TXNDC16: variants seen among roughly 807,000 people sequenced by gnomAD.
TXNDC16 encodes the protein thioredoxin domain-containing protein 16.
Under a neutral mutation model 85.6 loss-of-function variants are expected in TXNDC16, and 74 were observed. The ratio of observed to expected loss-of-function variants is 0.86; its 90% confidence interval spans 0.72 to 1.05. The LOEUF (loss-of-function observed/expected upper bound fraction) is 1.05. Among genes scored for constraint, TXNDC16 ranks in the 50% least tolerant of loss-of-function variants. The probability of loss-of-function intolerance (pLI) is 0.00; values close to 1 mark genes in which losing one functional copy is unlikely to be tolerated. For missense variants in TXNDC16, 959 were observed against 947.0 expected, an observed-to-expected ratio of 1.01 and a Z score of -0.17; for synonymous variants, 335 against 326.5, an observed-to-expected ratio of 1.03 and a Z score of -0.28.
intron 18 of TXNDC16, among the ~76,000 whole-genome samples, chr14:52,441,772 G>C (rs1049509511): frequency 1.3e-5 from 2 of 152,126 alleles, no homozygotes; most frequent in African/African-American, 2.4e-5. Context: ...CAAAGAGGAA[G>C]CTTTCTCTTG....
chr14:52,468,899 G>A (rs939303419), intron 16 of TXNDC16, among the ~76,000 whole-genome samples: 2 of 151,164 alleles, frequency 1.3e-5, no homozygotes, highest in East Asian at 1.9e-4. Flanking sequence ...AAAAAACCAT[G>A]AGTAATGTAT....
At chr14:52,443,873 T>A (rs1207006625) in intron 18 of TXNDC16, among the ~76,000 whole-genome samples, 1 of 151,984 alleles carries the variant, frequency 6.6e-6, no homozygotes, top group African/African-American at 2.4e-5. Context: ...GATTTGTGAG[T>A]TTAGAAGGAA....
At chr14:52,518,121 C>A (rs2037127558) in intron 7 of TXNDC16, among the ~76,000 whole-genome samples, 2 of 152,222 alleles carry the variant, frequency 1.3e-5, no homozygotes, top group South Asian at 4.1e-4. Context: ...CACATTCATT[C>A]TGTCTCCTTT....
intron 9 of TXNDC16, among the ~76,000 whole-genome samples, chr14:52,495,806 T>C (rs917637040): frequency 4.6e-5 from 7 of 152,142 alleles, no homozygotes; most frequent in Admixed American, 3.9e-4. Flanking sequence ...CAGGTGCAGG[T>C]AAGTCCTTTG....
chr14:52,445,676 T>C (rs1378007317), intron 18 of TXNDC16, among the ~76,000 whole-genome samples: 2 of 152,244 alleles, frequency 1.3e-5, no homozygotes, highest in Admixed American at 6.5e-5. Context: ...TACCATGTTT[T>C]TACTGTACCT....
Position 52,490,403 on chromosome 14 carries a change from T to C in TXNDC16, c.972A>G (p.Lys324=), listed in dbSNP as rs767063465. 3 of 1,598,832 alleles carry C rather than the reference T, an allele frequency of 1.9e-6. No homozygotes were observed. The highest frequency in any genetic ancestry group is 1.7e-6 in the Non-Finnish European group (2 of 1,174,690). ...NIPQDANVVF[K]RAEEGVPVEF... is the part of the protein sequence containing the mutation. ...TAAAACAACTAACCTCTTCTGCTCT[T>C]TTGAAGACCACATTAGCATCTTGAG... Residue 324 remains lysine (K), a synonymous_variant, in exon 11 of 21, where the codon AAA becomes AAG. Coordinates refer to ENST00000281741, the MANE Select transcript of TXNDC16 (RefSeq NM_020784.3).
chr14:52,462,641 G>A (rs1247628812), intron 16 of TXNDC16, among the ~76,000 whole-genome samples: 1 of 152,154 alleles, frequency 6.6e-6, no homozygotes, highest in African/African-American at 2.4e-5. Context: ...CTGGCTACCT[G>A]TTATAAAGGG....
At chr14:52,532,055 A>C (rs2037593356) in intron 6 of TXNDC16, among the ~76,000 whole-genome samples, 1 of 152,188 alleles carries the variant, frequency 6.6e-6, no homozygotes, top group Non-Finnish European at 1.5e-5. Context: ...GAAAGGTAGT[A>C]CAACTTAAAA....
intron 6 of TXNDC16, among the ~76,000 whole-genome samples, chr14:52,530,292 A>AT (rs2037487029): frequency 5.6e-5 from 3 of 53,760 alleles, no homozygotes; most frequent in East Asian, 8.6e-4. Context: ...TATAATTATT[A>AT]TATATAATAT....
chr14:52,461,770 T>C (rs1432222000), intron 16 of TXNDC16, among the ~76,000 whole-genome samples: 1 of 152,212 alleles, frequency 6.6e-6, no homozygotes, highest in Non-Finnish European at 1.5e-5. Context: ...ACGACATGCC[T>C]CCAGGCCTTA....
At chr14:52,508,690 G>A (rs567899841) in intron 9 of TXNDC16, among the ~76,000 whole-genome samples, 1 of 152,134 alleles carries the variant, frequency 6.6e-6, no homozygotes, top group Non-Finnish European at 1.5e-5. Context: ...TGATAGACTG[G>A]ATTAACAAAA....
chr14:52,531,497 A>G (rs1004807070), intron 6 of TXNDC16, among the ~76,000 whole-genome samples: 2 of 152,206 alleles, frequency 1.3e-5, no homozygotes, highest in Non-Finnish European at 2.9e-5. Context: ...AAAATGAACT[A>G]TCAAGCCATG....
intron 12 of TXNDC16, among the ~76,000 whole-genome samples, chr14:52,483,900 A>G (rs1476730061): frequency 6.6e-6 from 1 of 152,188 alleles, no homozygotes; most frequent in Non-Finnish European, 1.5e-5. Flanking sequence ...CTTTATGAAC[A>G]TGAAAACATG....
At chr14:52,480,194 A>C (rs534384609) in intron 14 of TXNDC16, among the ~76,000 whole-genome samples, 14 of 152,268 alleles carry the variant, frequency 9.2e-5, no homozygotes, top group Admixed American at 9.2e-4. Context: ...CTAAGACCTG[A>C]AACTATAAAA....
rs953699832 is a variant in TXNDC16, at chr14:52,432,072, C to T, written c.*232G>A. On this transcript the variant is annotated 3_prime_UTR_variant, in exon 21 of 21. Transcript: ENST00000281741. Reference sequence around the variant, plus strand: ...TCTCATTAATAATTTCTATATTTCGCTATTTTGGGTATACTACTGGGTGAA... The same window carrying T: ...TCTCATTAATAATTTCTATATTTCGTTATTTTGGGTATACTACTGGGTGAA... The T allele has an allele frequency of 2.9e-6, 1 of 342,766 alleles. No individual in the cohort carries two copies. The highest frequency in any genetic ancestry group is 5.2e-6 in the Non-Finnish European group (1 of 193,782). 21.2% of individuals were successfully genotyped at this position (342,766 alleles called of 1,614,324 possible). A position where few individuals can be genotyped will look rare whatever the true frequency, so the allele number is the denominator to read the frequency against.
Position 52,439,413 on chromosome 14 carries a change from G to T in TXNDC16, c.2004-19C>A. ...ATTCTTTCTGCAAAAGGGAACAATTGAACATATTAATATTTCTTTCTACAA... is the reference window on the plus strand; with the variant it reads ...ATTCTTTCTGCAAAAGGGAACAATTTAACATATTAATATTTCTTTCTACAA... On this transcript the variant is annotated intron_variant, in intron 19 of 20. Coordinates refer to ENST00000281741, the MANE Select transcript of TXNDC16 (RefSeq NM_020784.3). 6.3e-7 allele frequency: 1 copy of T among 1,591,372 alleles called. No homozygotes were observed. The highest frequency in any genetic ancestry group is 8.6e-7 in the Non-Finnish European group (1 of 1,166,474).
At chr14:52,447,554 G>C (rs894520848) in intron 18 of TXNDC16, among the ~76,000 whole-genome samples, 2 of 152,114 alleles carry the variant, frequency 1.3e-5, no homozygotes, top group Non-Finnish European at 2.9e-5. Context: ...CCCAGCCCCA[G>C]GTGGCTCAGA....
intron 6 of TXNDC16, among the ~76,000 whole-genome samples, chr14:52,523,142 A>G (rs1401616019): frequency 6.6e-6 from 1 of 152,188 alleles, no homozygotes; most frequent in Non-Finnish European, 1.5e-5. Context: ...GAGGAGAAAT[A>G]CTGACAAAAA....
At chr14:52,525,699 AAATAATAATAATAATAAT>A (rs199701557) in intron 6 of TXNDC16, among the ~76,000 whole-genome samples, 17,142 of 121,304 alleles carry the variant, frequency 0.14, 1,247 homozygotes, top group African/African-American at 0.22. Flanking sequence ...CTCCATCTCA[AAATAATAATAATAATAAT>A]AATAATAATA....
Sources: allele counts gnomAD v4.1 joint callset (sites outside exome capture counted in the v4.1 genomes callset), GRCh38; gene constraint gnomAD v4.1.1; transcripts MANE v1.5; gene names NCBI Gene and HGNC (gene_info 2026-07-23, HGNC 2026-07-21).